The following TMEM65 variants were observed in gnomAD, a reference collection of about 807,000 sequenced individuals.
The protein encoded by TMEM65 is transmembrane protein 65.
A neutral mutation model predicts 25.4 loss-of-function variants in TMEM65; 22 were observed. That is an observed-to-expected ratio of 0.86 (90% CI 0.62 to 1.23). The LOEUF (loss-of-function observed/expected upper bound fraction) is 1.23, where lower values mean the gene tolerates loss of function less well. Ranked by LOEUF, TMEM65 falls within the 50% of genes most tolerant of loss-of-function variation. The pLI is 0.00. For synonymous variants in TMEM65, 132 were observed against 126.2 expected (o/e 1.05, Z -0.31); for missense variants, 262 against 308.2 (o/e 0.85, Z 1.12).
At chr8:124,314,873 C>T (rs183014593) in intron 6 of TMEM65, among the ~76,000 whole-genome samples, 17 of 151,966 alleles carry the variant, frequency 1.1e-4, no homozygotes, top group African/African-American at 4.1e-4. Context: ...CAGGGTCTCC[C>T]TATGTTGCCC....
At chr8:124,318,374 T>G (rs1432884618) in intron 6 of TMEM65, among the ~76,000 whole-genome samples, 2 of 122,868 alleles carry the variant, frequency 1.6e-5, no homozygotes, top group Admixed American at 8.3e-5. Context: ...TTTTTGTTTT[T>G]TTTTTTTTTT....
intron 6 of TMEM65, among the ~76,000 whole-genome samples, chr8:124,315,483 G>A (rs531256725): frequency 2.0e-5 from 3 of 151,764 alleles, no homozygotes; most frequent in Non-Finnish European, 4.4e-5. Flanking sequence ...CACCACGCCC[G>A]GCTAATTTTT....
chr8:124,348,529 G>A (rs1411822839), intron 1 of TMEM65, among the ~76,000 whole-genome samples: 1 of 151,826 alleles, frequency 6.6e-6, no homozygotes, highest in Non-Finnish European at 1.5e-5. Context: ...ATATAGAGAT[G>A]GTACTATATA....
intron 4 of TMEM65, among the ~76,000 whole-genome samples, chr8:124,322,725 T>C (rs956704431): frequency 4.0e-5 from 6 of 151,854 alleles, no homozygotes; most frequent in Non-Finnish European, 8.8e-5. Context: ...AGGCTGGGCG[T>C]GGTGGCTCAC....
rs564011447 is a variant in TMEM65, at chr8:124,318,283, C to T, written c.621+1803G>A. 3.3e-5 allele frequency among the ~76,000 whole-genome samples: 5 copies of T among 151,594 alleles called. No homozygotes were observed. The East Asian group carries it at 9.7e-4, about 29-fold the overall frequency. On this transcript the variant is annotated intron_variant, in intron 6 of 6. Coordinates refer to ENST00000297632, the MANE Select transcript of TMEM65 (RefSeq NM_194291.3). ...ACATGATTGCAGCCTTCCAGAGGAC[C>T]CATTTAAGCTATTCCTGATCTGACC...
intron 1 of TMEM65, among the ~76,000 whole-genome samples, chr8:124,342,086 C>G (rs544475766): frequency 6.6e-6 from 1 of 152,034 alleles, no homozygotes; most frequent in East Asian, 1.9e-4. Context: ...AGTCATCATT[C>G]TAGTTATTAT....
intron 6 of TMEM65, among the ~76,000 whole-genome samples, chr8:124,315,445 C>G (rs1814224258): frequency 6.6e-6 from 1 of 152,008 alleles, no homozygotes; most frequent in Non-Finnish European, 1.5e-5. Context: ...CCTCAGCCTC[C>G]TGAGTAGCTG....
chr8:124,361,630 C>T (rs1490085981), intron 1 of TMEM65, among the ~76,000 whole-genome samples: 14 of 151,452 alleles, frequency 9.2e-5, no homozygotes, highest in Non-Finnish European at 1.5e-5. Flanking sequence ...GTCAGGAGTT[C>T]GAGACCAGTC....
chr8:124,352,141 T>G (rs1814717756), intron 1 of TMEM65, among the ~76,000 whole-genome samples: 1 of 152,192 alleles, frequency 6.6e-6, no homozygotes, highest in South Asian at 2.1e-4. Context: ...GAGTGATTTA[T>G]GGACTGAGGA....
At chr8:124,336,934 GA>G in intron 1 of TMEM65, among the ~76,000 whole-genome samples, 1 of 151,906 alleles carries the variant, frequency 6.6e-6, no homozygotes, top group East Asian at 1.9e-4. Context: ...AGGAATGAAA[GA>G]AGGGGCATCA....
intron 1 of TMEM65, among the ~76,000 whole-genome samples, chr8:124,358,868 G>C (rs1814820908): frequency 6.6e-6 from 1 of 152,162 alleles, no homozygotes; most frequent in Non-Finnish European, 1.5e-5. Context: ...CGCAGCAAAT[G>C]GGGTGCTTCT....
intron 1 of TMEM65, among the ~76,000 whole-genome samples, chr8:124,346,278 A>G (rs1814639724): frequency 6.6e-6 from 1 of 152,158 alleles, no homozygotes; most frequent in African/African-American, 2.4e-5. Context: ...ACTTCCTACC[A>G]GGTCCCTCCC....
chr8:124,342,882 A>G lies in TMEM65; in HGVS notation c.305-12090T>C, dbSNP rs572904910. Reference sequence around the variant, plus strand: ...CCTAATGAATCATTTGACCACTTACAGATGAATTTCATTCAATTACCACAT... The same window carrying G: ...CCTAATGAATCATTTGACCACTTACGGATGAATTTCATTCAATTACCACAT... On this transcript the variant is annotated intron_variant, in intron 1 of 6. Coordinates refer to ENST00000297632, the MANE Select transcript of TMEM65 (RefSeq NM_194291.3). Among the ~76,000 whole-genome samples the G allele has an allele frequency of 1.5e-4, 23 of 152,314 alleles. No homozygotes were observed. The South Asian group carries it at 4.3e-3, about 29-fold the overall frequency.
Sources: gnomAD v4.1 joint callset for allele counts (sites outside exome capture counted in the v4.1 genomes callset) on GRCh38, gnomAD v4.1.1 for gene constraint, MANE v1.5 for transcripts, NCBI Gene and HGNC (gene_info 2026-07-23, HGNC 2026-07-21) for gene names.